UNC5D: variants seen among roughly 807,000 people sequenced by gnomAD.
UNC5D encodes the protein netrin receptor UNC5D.
UNC5D carries 39 observed loss-of-function variants against 105.4 expected under a neutral mutation model. The ratio of observed to expected loss-of-function variants is 0.37; its 90% confidence interval spans 0.29 to 0.48. The LOEUF (loss-of-function observed/expected upper bound fraction) is 0.48. Ranked by LOEUF, UNC5D falls within the 20% of genes least tolerant of loss-of-function variation. The pLI, the probability that UNC5D is intolerant of heterozygous loss-of-function variation, is 0.98. For missense variants in UNC5D, 991 were observed against 1,202.4 expected (o/e 0.82, Z 2.60); for synonymous variants, 452 against 450.4 (o/e 1.00, Z -0.04).
At chr8:35,322,547 T>C (rs1228438820) in intron 1 of UNC5D, among the ~76,000 whole-genome samples, 1 of 152,208 alleles carries the variant, frequency 6.6e-6, no homozygotes, top group Non-Finnish European at 1.5e-5. Flanking sequence ...CATTTTTTGC[T>C]TCCCCTAGGG....
intron 4 of UNC5D, among the ~76,000 whole-genome samples, chr8:35,630,030 A>G (rs1046357043): frequency 6.6e-6 from 1 of 152,226 alleles, no homozygotes; most frequent in Non-Finnish European, 1.5e-5. Context: ...TTACCTTAAT[A>G]AAATAATTTC....
chr8:35,488,483 G>A (rs1810973160), intron 1 of UNC5D, among the ~76,000 whole-genome samples: 1 of 152,156 alleles, frequency 6.6e-6, no homozygotes, highest in African/African-American at 2.4e-5. Flanking sequence ...GTCTCCTTCT[G>A]GGCTTTAGCA....
At chr8:35,735,746 A>G (rs1175822543) in intron 11 of UNC5D, among the ~76,000 whole-genome samples, 1 of 152,238 alleles carries the variant, frequency 6.6e-6, no homozygotes, top group African/African-American at 2.4e-5. Context: ...ATAAGCCATT[A>G]CTGTGGAGAT....
At chr8:35,424,711 G>A (rs527599778) in intron 1 of UNC5D, among the ~76,000 whole-genome samples, 6 of 152,260 alleles carry the variant, frequency 3.9e-5, no homozygotes, top group African/African-American at 1.4e-4. Context: ...CTATAGTGTG[G>A]GCTTAGGACT....
chr8:35,504,949 A>T, intron 1 of UNC5D, among the ~76,000 whole-genome samples: 1 of 152,210 alleles, frequency 6.6e-6, no homozygotes, highest in Admixed American at 6.5e-5. Context: ...CCCCCAAAAC[A>T]GCCACTGTTC....
intron 1 of UNC5D, among the ~76,000 whole-genome samples, chr8:35,465,688 C>A (rs1809253761): frequency 6.6e-6 from 1 of 152,138 alleles, no homozygotes; most frequent in African/African-American, 2.4e-5. Flanking sequence ...CCAGAGATAT[C>A]CTAATCCCTG....
At chr8:35,555,908 C>T in intron 2 of UNC5D, among the ~76,000 whole-genome samples, 1 of 149,682 alleles carries the variant, frequency 6.7e-6, no homozygotes, top group Admixed American at 6.7e-5. Context: ...CACACACACA[C>T]ACACACACAC....
At chr8:35,544,206 A>AT (rs2130649146) in intron 1 of UNC5D, among the ~76,000 whole-genome samples, 1 of 152,246 alleles carries the variant, frequency 6.6e-6, no homozygotes, top group South Asian at 2.1e-4. Context: ...GGCAGCTCTT[A>AT]TTTTGACTTT....
chr8:35,302,719 G>A (rs548211343), intron 1 of UNC5D, among the ~76,000 whole-genome samples: 8 of 152,174 alleles, frequency 5.3e-5, no homozygotes, highest in East Asian at 1.9e-4. Flanking sequence ...AAAAACTTAC[G>A]GTATAGGTAA....
At chr8:35,575,798 T>G (rs75490519) in intron 3 of UNC5D, among the ~76,000 whole-genome samples, 4 of 152,138 alleles carry the variant, frequency 2.6e-5, no homozygotes, top group African/African-American at 7.2e-5. Context: ...AATTAATATA[T>G]AGGAATACTA....
chr8:35,495,455 CAACA>C (rs1186094364), intron 1 of UNC5D, among the ~76,000 whole-genome samples: 2 of 32,428 alleles, frequency 6.2e-5, no homozygotes, highest in African/African-American at 2.0e-4. Flanking sequence ...ACAACAACAA[CAACA>C]AAAAAAAAAA....
chr8:35,598,105 G>A (rs1201042411), intron 4 of UNC5D, among the ~76,000 whole-genome samples: 1 of 152,038 alleles, frequency 6.6e-6, no homozygotes, highest in Admixed American at 6.6e-5. Context: ...GGCTTACTCA[G>A]ATATCACTTG....
chr8:35,538,957 G>C (rs891414636), intron 1 of UNC5D, among the ~76,000 whole-genome samples: 9 of 152,046 alleles, frequency 5.9e-5, no homozygotes, highest in African/African-American at 1.7e-4. Context: ...CTGTACTAAA[G>C]ATATAAATTT....
intron 1 of UNC5D, among the ~76,000 whole-genome samples, chr8:35,437,571 C>A (rs922105488): frequency 2.6e-5 from 4 of 152,068 alleles, no homozygotes; most frequent in African/African-American, 4.8e-5. Flanking sequence ...CATTTATATA[C>A]ATGAATGATA....
chr8:35,522,064 A>G (rs554427416), intron 1 of UNC5D, among the ~76,000 whole-genome samples: 88 of 152,224 alleles, frequency 5.8e-4, no homozygotes, highest in Non-Finnish European at 1.1e-3. Flanking sequence ...CTTAGATTTC[A>G]TAACACCATG....
chr8:35,721,728 T>C (rs1828592433), intron 8 of UNC5D, among the ~76,000 whole-genome samples: 1 of 152,198 alleles, frequency 6.6e-6, no homozygotes, highest in Non-Finnish European at 1.5e-5. Context: ...TTCTCTCAAC[T>C]AATAGACTTT....
At chr8:35,509,658 C>T (rs138648105) in intron 1 of UNC5D, among the ~76,000 whole-genome samples, 1 of 151,192 alleles carries the variant, frequency 6.6e-6, no homozygotes, top group Non-Finnish European at 1.5e-5. Context: ...TTATTCTCTT[C>T]TTACCACAAC....
At chr8:35,693,262 C>T (rs1481855422) in intron 7 of UNC5D, among the ~76,000 whole-genome samples, 2 of 151,996 alleles carry the variant, frequency 1.3e-5, no homozygotes, top group Non-Finnish European at 2.9e-5. Context: ...CACTCAAGTG[C>T]CATATCCTGA....
chr8:35,739,002 C>A (rs1302945217), intron 11 of UNC5D, among the ~76,000 whole-genome samples: 1 of 152,098 alleles, frequency 6.6e-6, no homozygotes, highest in Non-Finnish European at 1.5e-5. Flanking sequence ...AACTCTATAC[C>A]AGGCATAGAG....
Sources: allele counts gnomAD v4.1 joint callset (sites outside exome capture counted in the v4.1 genomes callset), GRCh38; gene constraint gnomAD v4.1.1; transcripts MANE v1.5; gene names NCBI Gene and HGNC (gene_info 2026-07-23, HGNC 2026-07-21).